The following PTPRN2 variants were observed in gnomAD, a reference collection of about 807,000 sequenced individuals.
PTPRN2 encodes the protein receptor-type tyrosine-protein phosphatase N2.
PTPRN2 carries 74 observed loss-of-function variants against 118.8 expected under a neutral mutation model. That is an observed-to-expected ratio of 0.62 (90% confidence interval 0.52 to 0.76). PTPRN2 has a LOEUF of 0.76. PTPRN2 is among the 30% of genes least tolerant of loss of function. PTPRN2 has a pLI of 0.00. For synonymous variants in PTPRN2, 641 were observed against 608.0 expected (o/e 1.05, Z -0.80); for missense variants, 1,481 against 1,394.4 (o/e 1.06, Z -0.99).
At position 158,138,578 on chromosome 7, in the gene PTPRN2, C is replaced by T. The variant is rs573999203; in HGVS notation, c.911-63G>A. ...GGACGAATGCAAAGGTGAGGGCCTC[C>T]AGACCATAGGGGTGTGGTGGGCGTC... On this transcript the variant is annotated intron_variant, in intron 6 of 22. Transcript: ENST00000389418. 8.0e-4 allele frequency: 1,189 copies of T among 1,494,400 alleles called. 24 individuals are homozygous for T. The South Asian group carries it at 0.013, about 16-fold the overall frequency. The allele number at this position is 1,494,400 out of a possible 1,614,324, so 92.6% of individuals were successfully genotyped here.
At chr7:157,967,786 T>G (rs1323610975) in intron 11 of PTPRN2, among the ~76,000 whole-genome samples, 1 of 152,174 alleles carries the variant, frequency 6.6e-6, no homozygotes, top group African/African-American at 2.4e-5. Flanking sequence ...TGAGTGAAGA[T>G]GTATTTACCT....
intron 12 of PTPRN2, among the ~76,000 whole-genome samples, chr7:157,686,275 C>T (rs1334194088): frequency 6.6e-6 from 1 of 152,220 alleles, no homozygotes; most frequent in Admixed American, 6.5e-5. Context: ...TCCCACCCAG[C>T]GCTGAGCAGG....
chr7:157,589,885 A>G (rs1194302771), intron 17 of PTPRN2, among the ~76,000 whole-genome samples: 4 of 152,250 alleles, frequency 2.6e-5, no homozygotes, highest in Non-Finnish European at 5.9e-5. Context: ...GGCGGCGTGG[A>G]TGAAGAGGGA....
intron 12 of PTPRN2, among the ~76,000 whole-genome samples, chr7:157,684,582 T>TCCTCC (rs555513460): frequency 2.4e-5 from 3 of 124,080 alleles, no homozygotes; most frequent in Non-Finnish European, 5.2e-5. Flanking sequence ...CTCCCCGGTC[T>TCCTCC]CCTCCCCTCC....
chr7:157,818,077 G>A (rs1806541489), intron 12 of PTPRN2, among the ~76,000 whole-genome samples: 1 of 148,626 alleles, frequency 6.7e-6, no homozygotes, highest in African/African-American at 2.5e-5. Context: ...TGTGTGTGGT[G>A]TGTGCATATG....
At chr7:158,045,248 C>T (rs1808755596) in intron 11 of PTPRN2, among the ~76,000 whole-genome samples, 1 of 152,196 alleles carries the variant, frequency 6.6e-6, no homozygotes, top group South Asian at 2.1e-4. Flanking sequence ...CAGCAGGCAG[C>T]AACAAATCCG....
Position 157,944,646 on chromosome 7 carries a change from G to A in PTPRN2, c.1724-45909C>T, listed in dbSNP as rs1455161551. On this transcript the variant is annotated intron_variant, in intron 11 of 22. Transcript: ENST00000389418. The surrounding 1 kb of genome is among the most constrained non-coding windows in gnomAD (Gnocchi z 4.3). ...GGTCAAACTATGTCCACAGAGGCTG[G>A]AACACCAAAATAGAGGCAAAAGTCC... Among the ~76,000 whole-genome samples, 1 of 152,204 alleles carries A rather than the reference G, an allele frequency of 6.6e-6. No homozygotes were observed. The highest frequency in any genetic ancestry group is 2.4e-5 in the African/African-American group (1 of 41,444).
intron 11 of PTPRN2, among the ~76,000 whole-genome samples, chr7:158,037,622 C>T (rs1229217054): frequency 6.6e-6 from 1 of 152,154 alleles, no homozygotes; most frequent in African/African-American, 2.4e-5. Context: ...AGGAGACCAC[C>T]CTCATGTATG....
chr7:157,769,108 C>T (rs1802649985), intron 12 of PTPRN2, among the ~76,000 whole-genome samples: 1 of 152,196 alleles, frequency 6.6e-6, no homozygotes, highest in South Asian at 2.1e-4. Context: ...TGCCTGCACC[C>T]AGCCATCGTC....
At chr7:157,557,580 G>A (rs867150804) in intron 21 of PTPRN2, among the ~76,000 whole-genome samples, 32 of 111,870 alleles carry the variant, frequency 2.9e-4, no homozygotes, top group African/African-American at 1.0e-3. Flanking sequence ...ACACTCTCCT[G>A]GGCCTTCAGT....
intron 1 of PTPRN2, among the ~76,000 whole-genome samples, chr7:158,503,027 G>GTCCA: frequency 6.7e-6 from 1 of 148,966 alleles, no homozygotes; most frequent in Non-Finnish European, 1.5e-5. Flanking sequence ...CAACTACTGT[G>GTCCA]TCCATCAACT....
chr7:158,192,889 T>G (rs1825893217), intron 4 of PTPRN2, among the ~76,000 whole-genome samples: 1 of 152,162 alleles, frequency 6.6e-6, no homozygotes, highest in African/African-American at 2.4e-5. Flanking sequence ...GCCCAAGGCT[T>G]GGCATGGCTT....
In PTPRN2 at chr7:158,440,885, T is replaced by C. The variant is rs1264949648; in HGVS notation, c.163+48850A>G. Among the ~76,000 whole-genome samples the C allele has an allele frequency of 1.5e-4, 22 of 144,516 alleles. 2 individuals carry two copies. The highest frequency in any genetic ancestry group is 6.0e-4 in the African/African-American group (22 of 36,956). 94.8% of individuals were successfully genotyped at this position (144,516 alleles called of 152,430 possible). On this transcript the variant is annotated intron_variant, in intron 2 of 22. Transcript: ENST00000389418. ...GGGGCAGTGGTATTGGTGGTGGTGG[T>C]GAAGGTGGTGGTGGTGACGGTGATG... is the stretch of plus-strand genomic sequence containing the variant.
intron 2 of PTPRN2, among the ~76,000 whole-genome samples, chr7:158,373,764 C>T (rs1459390441): frequency 6.6e-6 from 1 of 152,236 alleles, no homozygotes; most frequent in Non-Finnish European, 1.5e-5. Context: ...ACTGTTTCAG[C>T]CCATGCACCT....
chr7:158,123,664 G>C (rs1277710477), intron 9 of PTPRN2, among the ~76,000 whole-genome samples: 1 of 152,210 alleles, frequency 6.6e-6, no homozygotes, highest in East Asian at 1.9e-4. Context: ...GAAAACCACT[G>C]TATTCTGACA....
rs1816723579 is a variant in PTPRN2 at position 158,438,328 on chromosome 7, C to A, written c.163+51407G>T. On this transcript the variant is annotated intron_variant, in intron 2 of 22. Coordinates refer to ENST00000389418, the MANE Select transcript of PTPRN2 (RefSeq NM_002847.5). This position sits in a 1 kb window ranked among gnomAD's most constrained non-coding sequence, Gnocchi z 4.7. ...GGAGGCAGAAGTTGCAGTGCCACTG[C>A]ACTCCAACCTGGGCAACAGAGTGGG... is the stretch of plus-strand genomic sequence containing the variant. Among the ~76,000 whole-genome samples the A allele has an allele frequency of 6.6e-6, 1 of 151,420 alleles. No homozygotes were observed. Among genetic ancestry groups the A allele is most frequent in the African/African-American group, 2.4e-5 (1 of 41,156 alleles).
chr7:158,467,963 A>T (rs1402904477), intron 2 of PTPRN2, among the ~76,000 whole-genome samples: 1 of 152,138 alleles, frequency 6.6e-6, no homozygotes, highest in Admixed American at 6.5e-5. Context: ...GTGCTACTTT[A>T]CAGTAGCTAG....
At chr7:158,171,318 T>TACATACATACATAC (rs1318559722) in intron 5 of PTPRN2, among the ~76,000 whole-genome samples, 1 of 93,832 alleles carries the variant, frequency 1.1e-5, no homozygotes, top group Non-Finnish European at 2.2e-5. Flanking sequence ...CATATATATA[T>TACATACATACATAC]ATATATATAT....
chr7:157,858,186 C>T (rs140082663), intron 12 of PTPRN2, among the ~76,000 whole-genome samples: 852 of 22,576 alleles, frequency 0.038, 57 homozygotes, highest in East Asian at 0.059. Flanking sequence ...GCCTCCCAGC[C>T]ACCACCCACA....
Sources: gnomAD v4.1 joint callset for allele counts (sites outside exome capture counted in the v4.1 genomes callset) on GRCh38, gnomAD v4.1.1 for gene constraint, Gnocchi (gnomAD v3.1) non-coding constraint, MANE v1.5 for transcripts, NCBI Gene and HGNC (gene_info 2026-07-23, HGNC 2026-07-21) for gene names.